ATRX: variants seen among roughly 807,000 people sequenced by gnomAD.
The protein encoded by ATRX is ATRX chromatin remodeler.
In ATRX, 12 loss-of-function variants were observed where a neutral mutation model predicts 172.6. The observed-to-expected ratio is 0.07, with a 90% CI of 0.04 to 0.11. The LOEUF is 0.11. Ranked by LOEUF, ATRX falls within the 10% of genes least tolerant of loss-of-function variation. ATRX has a pLI of 1.00. For missense variants in ATRX, 1,368 were observed against 1,767.4 expected, an observed-to-expected ratio of 0.77 and a Z score of 4.05; for synonymous variants, 674 against 594.7, an observed-to-expected ratio of 1.13 and a Z score of -1.94.
At chrX:77,558,930 GTTTT>G in intron 28 of ATRX, 84 bp from the exon 29 acceptor site, 10 of 776,805 alleles carry the variant, frequency 1.3e-5, no homozygotes, top group Non-Finnish European at 1.9e-5. Context: ...TTGATACTTA[GTTTT>G]TTTTTAACTA....
chrX:77,528,714 G>T (rs1369108630), intron 30 of ATRX, among the ~76,000 whole-genome samples: 1 of 112,262 alleles, frequency 8.9e-6, no homozygotes, highest in Admixed American at 9.4e-5. Context: ...AACAATCAAT[G>T]CATAAATGCT....
chrX:77,549,193 T>A (rs375121623), intron 30 of ATRX, among the ~76,000 whole-genome samples: 1 of 111,358 alleles, frequency 9.0e-6, no homozygotes, highest in East Asian at 2.8e-4. Flanking sequence ...GAGACCAGCC[T>A]GGCCAACATG....
At chrX:77,620,604 T>G in intron 19 of ATRX, 72 bp from the exon 20 acceptor site, 1 of 976,046 alleles carries the variant, frequency 1.0e-6, no homozygotes, top group Middle Eastern at 3.8e-4. Context: ...TTTAAGTAAA[T>G]AAAGTTAATC....
intron 27 of ATRX, 107 bp downstream of exon 27, chrX:77,589,727 A>C: frequency 3.0e-6 from 2 of 655,965 alleles, no homozygotes; most frequent in Non-Finnish European, 4.7e-6. Context: ...TTGATATGAT[A>C]GAGTTGTGAG....
intron 30 of ATRX, among the ~76,000 whole-genome samples, chrX:77,551,751 T>G (rs1347575986): frequency 9.1e-6 from 1 of 110,465 alleles, no homozygotes; most frequent in Non-Finnish European, 1.9e-5. Context: ...GAATCTACAA[T>G]GAACTCAAAC....
chrX:77,521,388 T>C lies in ATRX; in HGVS notation c.7071+15A>G. On this transcript the variant is annotated intron_variant, in intron 33 of 34. Transcript: ENST00000373344. ...AAATTGGAGGTTGGAATAAGACAAT[T>C]GCCAATTAGCTTACTACAGCTGAAA... 1 of 1,182,171 alleles carries C rather than the reference T, an allele frequency of 8.5e-7. No individual in the cohort carries two copies. Among genetic ancestry groups the C allele is most frequent in the African/African-American group, 1.7e-5 (1 of 57,293 alleles).
chrX:77,622,458 A>C (rs2148283385), intron 19 of ATRX, among the ~76,000 whole-genome samples: 1 of 111,689 alleles, frequency 9.0e-6, no homozygotes, highest in South Asian at 3.8e-4. Context: ...TAGAGGAAGT[A>C]GCAGAAAGGC....
chrX:77,648,261 A>C (rs1431702095), intron 15 of ATRX, among the ~76,000 whole-genome samples: 2 of 111,903 alleles, frequency 1.8e-5, no homozygotes, highest in Non-Finnish European at 3.8e-5. Flanking sequence ...TCAGCCATCA[A>C]TATAATCTGA....
At chrX:77,593,873 A>T (rs1557082481) in intron 25 of ATRX, 24 bp from the exon 26 acceptor site, 1 of 1,184,729 alleles carries the variant, frequency 8.4e-7, no homozygotes, top group East Asian at 3.0e-5. Flanking sequence ...ATGGAACATA[A>T]GTAGGTAAAT....
rs2148600971 is a variant in ATRX at position 77,682,941 on chromosome X, C to T, written c.2315G>A (p.Gly772Glu). ...KTLYDLKTQA[G>E]KDDKGKRKRK... ...TTTCCTTTTTCCTTTATCATCTTTCCCCGCCTGAGTCTTTAAATCATACAA... is the reference window on the plus strand; with the variant it reads ...TTTCCTTTTTCCTTTATCATCTTTCTCCGCCTGAGTCTTTAAATCATACAA... The change falls in exon 9 of 35, where the codon GGG becomes GAG. Residue 772 changes from glycine to glutamate, a missense_variant. Physicochemically the swap from Gly to Glu is moderately conservative, Grantham distance 98. This residue lies in a region of ATRX where 843 missense variants were observed against 643.1 expected (regional missense o/e 1.31). Transcript: ENST00000373344. The T allele has an allele frequency of 1.7e-6, 2 of 1,210,260 alleles. No individual in the cohort carries two copies. Among genetic ancestry groups the T allele is most frequent in the South Asian group, 3.5e-5 (2 of 56,907 alleles).
At chrX:77,565,614 G>A (rs75998743) in intron 28 of ATRX, among the ~76,000 whole-genome samples, 3 of 112,002 alleles carry the variant, frequency 2.7e-5, no homozygotes, top group South Asian at 3.7e-4. Flanking sequence ...CCAGCAAGTT[G>A]GGAGGCAAAG....
At chrX:77,729,829 C>T (rs1557175279) in intron 1 of ATRX, among the ~76,000 whole-genome samples, 1 of 110,964 alleles carries the variant, frequency 9.0e-6, no homozygotes, top group Non-Finnish European at 1.9e-5. Flanking sequence ...CCCAGCTACT[C>T]GGTAGGCTGA....
intron 1 of ATRX, among the ~76,000 whole-genome samples, chrX:77,773,252 T>C (rs1246765168): frequency 9.0e-6 from 1 of 110,576 alleles, no homozygotes; most frequent in Non-Finnish European, 1.9e-5. Flanking sequence ...TCTCTGCTTT[T>C]AGCTATATGT....
At chrX:77,604,030 T>A (rs782478710) in intron 22 of ATRX, among the ~76,000 whole-genome samples, 13 of 112,347 alleles carry the variant, frequency 1.2e-4, no homozygotes, top group Non-Finnish European at 2.1e-4. Context: ...ATAAAAATAC[T>A]AGAAGTAAAC....
At chrX:77,667,418 C>G (rs1276261939) in intron 10 of ATRX, among the ~76,000 whole-genome samples, 1 of 108,642 alleles carries the variant, frequency 9.2e-6, no homozygotes, top group African/African-American at 3.4e-5. Context: ...AGATCTCATA[C>G]CATCATTTGG....
chrX:77,537,517 A>G (rs1245330809), intron 30 of ATRX, among the ~76,000 whole-genome samples: 1 of 110,133 alleles, frequency 9.1e-6, no homozygotes, highest in Non-Finnish European at 1.9e-5. Flanking sequence ...GTGAAAGCTG[A>G]CCCTCACCTT....
chrX:77,597,283 A>T (rs2066498566), intron 25 of ATRX, among the ~76,000 whole-genome samples: 1 of 110,681 alleles, frequency 9.0e-6, no homozygotes, highest in Admixed American at 9.7e-5. Context: ...TTAGACTGCC[A>T]TCTGTCTATT....
At chrX:77,711,851 CCAAA>C (rs1290788615) in intron 2 of ATRX, among the ~76,000 whole-genome samples, 1 of 111,998 alleles carries the variant, frequency 8.9e-6, no homozygotes, top group Non-Finnish European at 1.9e-5. Context: ...AACCAACCAA[CCAAA>C]CAAACAGATA....
chrX:77,687,210 T>C (rs782466287), intron 7 of ATRX, among the ~76,000 whole-genome samples: 2 of 107,735 alleles, frequency 1.9e-5, no homozygotes, highest in Non-Finnish European at 3.9e-5. Context: ...AGCTAATTTC[T>C]GGTCTCATAC....
Sources: allele counts gnomAD v4.1 joint callset (sites outside exome capture counted in the v4.1 genomes callset), GRCh38; gene constraint gnomAD v4.1.1; regional missense constraint gnomAD v4.1.1; transcripts MANE v1.5; gene names NCBI Gene and HGNC (gene_info 2026-07-23, HGNC 2026-07-21).